Variants in TLL1 observed in about 807,000 individuals in gnomAD.
The protein encoded by TLL1 is tolloid like 1, also known as tolloid-like protein 1.
A neutral mutation model predicts 128.2 loss-of-function variants in TLL1; 49 were observed. The ratio of observed to expected loss-of-function variants is 0.38; its 90% CI spans 0.30 to 0.48. The LOEUF is 0.48. Ranked by LOEUF, TLL1 falls within the 20% of genes least tolerant of loss-of-function variation. The probability of loss-of-function intolerance (pLI) is 0.96; values close to 1 mark genes in which losing one functional copy is unlikely to be tolerated. For missense variants in TLL1, 1,123 were observed against 1,242.0 expected (o/e 0.90, Z 1.44); for synonymous variants, 454 against 418.8 (o/e 1.08, Z -1.03).
chr4:165,997,753 T>C (rs1303475724), intron 5 of TLL1, among the ~76,000 whole-genome samples: 1 of 152,112 alleles, frequency 6.6e-6, no homozygotes, highest in East Asian at 1.9e-4. Flanking sequence ...GGTCAGGACT[T>C]TTTGCCACTT....
intron 16 of TLL1, among the ~76,000 whole-genome samples, chr4:166,074,460 T>G (rs1449498455): frequency 6.6e-6 from 1 of 151,964 alleles, no homozygotes; most frequent in Non-Finnish European, 1.5e-5. Context: ...GGTTAATATA[T>G]TGAAGGATAT....
In TLL1 at chr4:166,082,398, G is replaced by A. The variant is rs145861735; in HGVS notation, c.2442+4368G>A. On this transcript the variant is annotated intron_variant, in intron 18 of 20. Transcript: ENST00000061240. ...TATATTTTTTAACTCTTGCCATTTT[G>A]ACATTATAATTGCTTGTGTTTCCCC... Among the ~76,000 whole-genome samples, 409 of 152,176 alleles carry A rather than the reference G, an allele frequency of 2.7e-3. 1 individual carries two copies. The highest frequency in any genetic ancestry group is 9.5e-3 in the African/African-American group (395 of 41,540).
In TLL1 at chr4:165,929,353, A is replaced by G. The variant is rs191816059; in HGVS notation, c.169+55280A>G. Among the ~76,000 whole-genome samples, 228 of 152,288 alleles carry G rather than the reference A, an allele frequency of 1.5e-3. 1 individual carries two copies. Among genetic ancestry groups the G allele is most frequent in the African/African-American group, 5.3e-3 (220 of 41,568 alleles). On this transcript the variant is annotated intron_variant, in intron 1 of 20. Coordinates refer to ENST00000061240, the MANE Select transcript of TLL1 (RefSeq NM_012464.5). The stretch of plus-strand genomic sequence containing the variant: ...AGAGATCAAGACCATCCTGGCCACC[A>G]TGATGAAACCTCGTCTTTACTGAAA...
intron 1 of TLL1, among the ~76,000 whole-genome samples, chr4:165,910,310 G>T (rs1017612852): frequency 4.2e-4 from 64 of 152,118 alleles, no homozygotes; most frequent in African/African-American, 1.5e-3. Context: ...CAAATGGAGG[G>T]TTTTTTACTT....
intron 16 of TLL1, among the ~76,000 whole-genome samples, chr4:166,073,366 G>C (rs1325636809): frequency 6.6e-6 from 1 of 152,074 alleles, no homozygotes; most frequent in Admixed American, 6.6e-5. Flanking sequence ...TGGAATAGGA[G>C]TTCAAAATTA....
chr4:165,949,245 A>C (rs1318946775), intron 1 of TLL1, among the ~76,000 whole-genome samples: 1 of 152,090 alleles, frequency 6.6e-6, no homozygotes, highest in African/African-American at 2.4e-5. Context: ...GCCAGTGAAG[A>C]AACCAGGCAC....
Position 166,095,393 on chromosome 4 carries a change from TA to T in TLL1, c.2657-3881del, listed in dbSNP as rs376807684. On this transcript the variant is annotated intron_variant, in intron 19 of 20. Coordinates refer to ENST00000061240, the MANE Select transcript of TLL1 (RefSeq NM_012464.5). ...TTACTCCAGTCTTAAATAAGTTAATTAAAGGAAACAAATCTTTAGTAAAGAA... is the reference window on the plus strand; with the variant it reads ...TTACTCCAGTCTTAAATAAGTTAATTAAGGAAACAAATCTTTAGTAAAGAA... Among the ~76,000 whole-genome samples, 6 of 149,868 alleles carry T rather than the reference TA, an allele frequency of 4.0e-5. No individual in the cohort carries two copies. In the East Asian group the frequency reaches 1.2e-3, roughly 31 times the overall value.
At chr4:166,005,784 T>C (rs1422962606) in intron 6 of TLL1, among the ~76,000 whole-genome samples, 1 of 151,866 alleles carries the variant, frequency 6.6e-6, no homozygotes, top group Non-Finnish European at 1.5e-5. Context: ...AGATGTAACT[T>C]TCAAAAATGG....
At chr4:166,056,094 C>T (rs1739995027) in intron 13 of TLL1, among the ~76,000 whole-genome samples, 1 of 151,924 alleles carries the variant, frequency 6.6e-6, no homozygotes. Context: ...CTATTTTATT[C>T]ATCATATGAA....
chr4:165,896,083 AAC>A (rs1463837135), intron 1 of TLL1, among the ~76,000 whole-genome samples: 1 of 151,888 alleles, frequency 6.6e-6, no homozygotes, highest in Non-Finnish European at 1.5e-5. Flanking sequence ...TCCCTCCTCT[AAC>A]CCCCTACCCC....
At chr4:166,037,722 C>T (rs956753103) in intron 9 of TLL1, among the ~76,000 whole-genome samples, 3 of 151,868 alleles carry the variant, frequency 2.0e-5, no homozygotes, top group East Asian at 3.9e-4. Flanking sequence ...GGATGAGAAT[C>T]GCTTCAACCC....
At chr4:165,876,015 G>A (rs9985986) in intron 1 of TLL1, among the ~76,000 whole-genome samples, 3,672 of 152,196 alleles carry the variant, frequency 0.024, 160 homozygotes, top group African/African-American at 0.083. Context: ...AACGTTGAAT[G>A]GATTATTACC....
chr4:165,953,200 C>G (rs2110943740), intron 1 of TLL1, among the ~76,000 whole-genome samples: 1 of 152,180 alleles, frequency 6.6e-6, no homozygotes, highest in East Asian at 1.9e-4. Flanking sequence ...TAAACTATAG[C>G]TTTAGGTCAT....
intron 1 of TLL1, among the ~76,000 whole-genome samples, chr4:165,903,515 C>T (rs1425240365): frequency 6.8e-6 from 1 of 148,102 alleles, no homozygotes; most frequent in African/African-American, 2.5e-5. Context: ...TGGGTTCAAG[C>T]GATTCTTCTG....
At chr4:165,950,893 A>G (rs1280071729) in intron 1 of TLL1, among the ~76,000 whole-genome samples, 1 of 152,074 alleles carries the variant, frequency 6.6e-6, no homozygotes, top group African/African-American at 2.4e-5. Context: ...AAGGAAGGAA[A>G]TCATAAAGAT....
intron 1 of TLL1, among the ~76,000 whole-genome samples, chr4:165,957,723 T>C (rs1032343548): frequency 2.6e-5 from 4 of 151,312 alleles, no homozygotes; most frequent in Non-Finnish European, 5.9e-5. Flanking sequence ...TTTTAAATTA[T>C]TATTATACTT....
chr4:166,011,397 G>T (rs1463106512), intron 7 of TLL1, among the ~76,000 whole-genome samples: 1 of 151,210 alleles, frequency 6.6e-6, no homozygotes, highest in Non-Finnish European at 1.5e-5. Context: ...TTTTTATGCT[G>T]TTGTGAATGG....
chr4:165,973,794 C>G (rs897424229), intron 1 of TLL1, among the ~76,000 whole-genome samples: 5 of 151,708 alleles, frequency 3.3e-5, no homozygotes, highest in African/African-American at 1.2e-4. Context: ...GCCTTCCAAG[C>G]AACTGGAAAT....
At chr4:166,057,332 AC>A in intron 14 of TLL1, 23 bp downstream of exon 14, 1 of 1,552,690 alleles carries the variant, frequency 6.4e-7, no homozygotes, top group African/African-American at 1.4e-5. Flanking sequence ...TCCTTCCTGG[AC>A]CCCCACCCCC....
Sources: allele counts gnomAD v4.1 joint callset (sites outside exome capture counted in the v4.1 genomes callset), GRCh38; gene constraint gnomAD v4.1.1; transcripts MANE v1.5; gene names NCBI Gene and HGNC (gene_info 2026-07-23, HGNC 2026-07-21).